TDRD9: variants seen among roughly 807,000 people sequenced by gnomAD.
TDRD9 encodes ATP-dependent RNA helicase TDRD9.
In TDRD9, 124 loss-of-function variants were observed where a neutral mutation model predicts 172.6. That is an observed-to-expected ratio of 0.72 (90% CI 0.62 to 0.83). The LOEUF (loss-of-function observed/expected upper bound fraction) is 0.83, where lower values mean the gene tolerates loss of function less well. Among genes scored for constraint, TDRD9 ranks in the 40% least tolerant of loss-of-function variants. The probability of loss-of-function intolerance (pLI) is 0.00; values close to 1 mark genes in which losing one functional copy is unlikely to be tolerated. For synonymous variants in TDRD9, 619 were observed against 617.1 expected (o/e 1.00, Z -0.05); for missense variants, 1,479 against 1,714.1 (o/e 0.86, Z 2.42).
intron 14 of TDRD9, among the ~76,000 whole-genome samples, chr14:104,004,974 CCTT>C (rs913855550): frequency 2.4e-4 from 36 of 152,100 alleles, no homozygotes; most frequent in South Asian, 8.3e-4. Flanking sequence ...CCTTTGTCCT[CCTT>C]CTTTTTTTTC....
intron 7 of TDRD9, among the ~76,000 whole-genome samples, chr14:103,984,916 G>A (rs1459346084): frequency 7.9e-5 from 12 of 152,348 alleles, no homozygotes; most frequent in African/African-American, 1.4e-4. Flanking sequence ...TCTTGCATCA[G>A]TGTGACTTGG....
At position 104,052,054 on chromosome 14, in the gene TDRD9, T is replaced by C. The variant is rs2140947861; in HGVS notation, c.4121T>C (p.Leu1374Pro). 3.8e-6 allele frequency: 6 copies of C among 1,585,578 alleles called. No homozygotes were observed. Among genetic ancestry groups the C allele is most frequent in the Middle Eastern group, 1.7e-4 (1 of 6,034 alleles). ...SRGKNTFLYQ[L>P]HKLVVLGT ...GGGAAGAACACCTTTCTCTACCAGC[T>C]CCACAAACTGGTTGTGCTCGGCACC... The change falls in exon 36 of 36, where the codon CTC becomes CCC. Residue 1374 changes from leucine to proline, a missense_variant. Around this residue, in one of 3 missense-constraint regions of TDRD9, gnomAD observed 1,413 missense variants for 1,649.1 expected, o/e 0.86. Transcript: ENST00000409874.
chr14:103,984,821 T>A (rs1298193794), intron 7 of TDRD9, among the ~76,000 whole-genome samples: 3 of 152,082 alleles, frequency 2.0e-5, no homozygotes, highest in Non-Finnish European at 4.4e-5. Flanking sequence ...AGACATTCAA[T>A]GCCAGCCCAT....
rs761928012 is a variant in TDRD9, at chr14:103,986,179, GT to G, written c.1012-34del. 19 of 1,528,590 alleles carry G rather than the reference GT, an allele frequency of 1.2e-5. No homozygotes were observed. The South Asian group carries it at 1.9e-4, about 16-fold the overall frequency. 94.7% of individuals were successfully genotyped at this position (1,528,590 alleles called of 1,614,324 possible). ...AACGCCAGGTTTCTTCTGTAATCCTGTTTTCGTATTGCGACTTTTTTCTTTC... is the reference window on the plus strand; with the variant it reads ...AACGCCAGGTTTCTTCTGTAATCCTGTTTCGTATTGCGACTTTTTTCTTTC... On this transcript the variant is annotated intron_variant, in intron 7 of 35. Coordinates refer to ENST00000409874, the MANE Select transcript of TDRD9 (RefSeq NM_153046.3).
intron 1 of TDRD9, among the ~76,000 whole-genome samples, chr14:103,953,508 AAG>A (rs1310883677): frequency 6.6e-6 from 1 of 151,874 alleles, no homozygotes; most frequent in Non-Finnish European, 1.5e-5. Flanking sequence ...ATAGATCTGT[AAG>A]AGGGGGAGAT....
At chr14:103,930,765 C>G (rs2030335008) in intron 1 of TDRD9, among the ~76,000 whole-genome samples, 2 of 152,156 alleles carry the variant, frequency 1.3e-5, no homozygotes, top group African/African-American at 4.8e-5. Flanking sequence ...CCATCACTTA[C>G]TCCTTAGTTT....
Position 104,006,646 on chromosome 14 carries a change from C to T in TDRD9, c.1880C>T (p.Ala627Val), listed in dbSNP as rs749921503. 19 of 1,613,528 alleles carry T rather than the reference C, an allele frequency of 1.2e-5. No homozygotes were observed. Among genetic ancestry groups the T allele is most frequent in the African/African-American group, 5.3e-5 (4 of 74,924 alleles). ...FGCLDECLII[A>V]AALSLKNFFA... ...CTTCTTGTTTATTTTTTATGGTTAG[C>T]GGCAGCTCTTTCTTTGAAGAATTTT... Residue 627 changes from alanine (A) to valine (V), a missense_variant and splice_region_variant, in exon 17 of 36, where the codon GCG (alanine) becomes GTG (valine). By Grantham distance (64) the Ala-to-Val change is moderately conservative. Coordinates refer to ENST00000409874, the MANE Select transcript of TDRD9 (RefSeq NM_153046.3).
At chr14:104,027,637 T>A (rs2035162734) in intron 28 of TDRD9, among the ~76,000 whole-genome samples, 1 of 152,260 alleles carries the variant, frequency 6.6e-6, no homozygotes. Context: ...GTGTATATAA[T>A]GTATAATGAT....
At chr14:104,035,664 A>G (rs139036800) in intron 32 of TDRD9, among the ~76,000 whole-genome samples, 1 of 152,342 alleles carries the variant, frequency 6.6e-6, no homozygotes, top group African/African-American at 2.4e-5. Flanking sequence ...GAAAGCACTA[A>G]CATAGGTTTT....
intron 7 of TDRD9, among the ~76,000 whole-genome samples, chr14:103,979,009 C>T (rs2033365976): frequency 6.6e-6 from 1 of 152,152 alleles, no homozygotes; most frequent in Admixed American, 6.6e-5. Flanking sequence ...ATCTGGCTGT[C>T]CTTTTGTATC....
intron 34 of TDRD9, among the ~76,000 whole-genome samples, chr14:104,044,789 G>A (rs560522934): frequency 2.6e-5 from 4 of 152,144 alleles, no homozygotes; most frequent in South Asian, 2.1e-4. Flanking sequence ...TTTTTCTCTC[G>A]GGAAGATATC....
At chr14:103,976,703 G>T (rs2033260949) in intron 7 of TDRD9, among the ~76,000 whole-genome samples, 1 of 152,164 alleles carries the variant, frequency 6.6e-6, no homozygotes, top group Admixed American at 6.5e-5. Flanking sequence ...TAGTAGGATG[G>T]CTAGGCCATA....
chr14:104,005,405 G>GGT lies in TDRD9; in HGVS notation c.1713+1_1713+2dup. 6.2e-7 allele frequency: 1 copy of GGT among 1,613,928 alleles called. No homozygotes were observed. ...AGCGCACCATCCTTCTACTAAAGGAGGTAGGACTGCCTGCTGGTTAGTACT... is the reference window on the plus strand; with the variant it reads ...AGCGCACCATCCTTCTACTAAAGGAGGTGTAGGACTGCCTGCTGGTTAGTACT... On this transcript the variant is annotated frameshift_variant and splice_region_variant. Transcript: ENST00000409874. LOFTEE classifies it high-confidence loss of function.
At chr14:103,937,480 T>G (rs2030844350) in intron 1 of TDRD9, among the ~76,000 whole-genome samples, 1 of 152,140 alleles carries the variant, frequency 6.6e-6, no homozygotes, top group Non-Finnish European at 1.5e-5. Flanking sequence ...CTCCCTTCTT[T>G]CCCAGTCTCT....
At chr14:104,051,745 CT>C in intron 35 of TDRD9, among the ~76,000 whole-genome samples, 1 of 152,264 alleles carries the variant, frequency 6.6e-6, no homozygotes, top group East Asian at 1.9e-4. Context: ...CCTTCAGTGT[CT>C]TCTTTTGAGA....
chr14:103,983,473 C>A (rs1166266704), intron 7 of TDRD9, among the ~76,000 whole-genome samples: 7 of 152,138 alleles, frequency 4.6e-5, no homozygotes, highest in African/African-American at 1.7e-4. Context: ...CACCTGAAGA[C>A]TTCTTTTGAT....
At chr14:103,987,121 T>TAC (rs960121501) in intron 8 of TDRD9, among the ~76,000 whole-genome samples, 33 of 126,356 alleles carry the variant, frequency 2.6e-4, no homozygotes, top group East Asian at 2.3e-4. Context: ...TCAAAAAATA[T>TAC]ATACACACAC....
chr14:103,968,712 C>T (rs1330945559), intron 5 of TDRD9, among the ~76,000 whole-genome samples: 5 of 134,458 alleles, frequency 3.7e-5, no homozygotes, highest in Admixed American at 1.7e-4. Flanking sequence ...AGGAGAATGG[C>T]GTGAACCCGG....
At chr14:104,007,276 T>C in intron 19 of TDRD9, 72 bp downstream of exon 19, 1 of 1,443,322 alleles carries the variant, frequency 6.9e-7, no homozygotes, top group Admixed American at 1.9e-5. Flanking sequence ...CTTGGTACAG[T>C]CATAGCGTGT....
Sources: gnomAD v4.1 joint callset for allele counts (sites outside exome capture counted in the v4.1 genomes callset) on GRCh38, gnomAD v4.1.1 for gene constraint, gnomAD v4.1.1 regional missense constraint, MANE v1.5 for transcripts, NCBI Gene and HGNC (gene_info 2026-07-23, HGNC 2026-07-21) for gene names.